Variants in RARA observed in about 807,000 individuals in gnomAD.
The protein encoded by RARA is retinoic acid receptor alpha.
Under a neutral mutation model 42.8 loss-of-function variants are expected in RARA, and 5 were observed. That is an observed-to-expected ratio of 0.12 (90% CI 0.06 to 0.25). RARA has a LOEUF of 0.25. Among genes scored for constraint, RARA ranks in the 10% least tolerant of loss-of-function variants. The probability of loss-of-function intolerance (pLI) is 1.00; values close to 1 mark genes in which losing one functional copy is unlikely to be tolerated. For synonymous variants in RARA, 256 were observed against 259.5 expected (o/e 0.99, Z 0.13); for missense variants, 402 against 628.7 (o/e 0.64, Z 3.86).
intron 1 of RARA, among the ~76,000 whole-genome samples, chr17:40,312,827 C>G (rs1017671029): frequency 6.6e-6 from 1 of 152,158 alleles, no homozygotes; most frequent in African/African-American, 2.4e-5. Context: ...AGAGAACACT[C>G]AATCAGTCAT....
At chr17:40,348,960 C>CAGGT (rs963210760) in intron 3 of RARA, 3 of 157,156 alleles carry the variant, frequency 1.9e-5, no homozygotes, top group Non-Finnish European at 4.3e-5. Context: ...TGCCAGGGTG[C>CAGGT]AGGTATACCT....
chr17:40,342,723 G>C, intron 2 of RARA: 2 of 1,612,030 alleles, frequency 1.2e-6, no homozygotes, highest in Non-Finnish European at 1.7e-6. Flanking sequence ...GAGTGTAGAA[G>C]TGGGGGGTCC....
Position 40,351,763 on chromosome 17 carries a change from C to CT in RARA, c.470-145dup. On this transcript the variant is annotated intron_variant, in intron 4 of 8. Coordinates refer to ENST00000254066, the MANE Select transcript of RARA (RefSeq NM_000964.4). The surrounding 1 kb of genome is among the most constrained non-coding windows in gnomAD (Gnocchi z 4.1). ...GGAGGGCTGGAGTGCGTGGCAATGC[C>CT]TTGCCTGCCCGTGAACGCGTGCTGT... 9.1e-7 allele frequency: 1 copy of CT among 1,095,256 alleles called. No homozygotes were observed. Among genetic ancestry groups the CT allele is most frequent in the South Asian group, 1.5e-5 (1 of 66,172 alleles). The allele number at this position is 1,095,256 out of a possible 1,614,324, so 67.8% of individuals were successfully genotyped here.
At chr17:40,336,455 G>A (rs1348458186) in intron 2 of RARA, among the ~76,000 whole-genome samples, 1 of 152,074 alleles carries the variant, frequency 6.6e-6, no homozygotes, top group Non-Finnish European at 1.5e-5. Context: ...GCAGTGGCAC[G>A]ATCTTGGCTC....
intron 2 of RARA, among the ~76,000 whole-genome samples, chr17:40,347,018 G>A (rs2034288396): frequency 6.6e-6 from 1 of 152,236 alleles, no homozygotes; most frequent in African/African-American, 2.4e-5. Context: ...GAGGGTGGTA[G>A]CACATAGTCA....
chr17:40,348,559 C>G, intron 3 of RARA, 95 bp downstream of exon 3: 7 of 1,419,240 alleles, frequency 4.9e-6, no homozygotes, highest in Non-Finnish European at 6.5e-6. Flanking sequence ...GGGGGTGTCC[C>G]TGAAGTTGCT....
intron 1 of RARA, among the ~76,000 whole-genome samples, chr17:40,324,779 A>G (rs917829162): frequency 6.6e-6 from 1 of 152,174 alleles, no homozygotes; most frequent in Non-Finnish European, 1.5e-5. Flanking sequence ...TCCTTCCCCT[A>G]ACTCCCAAGA....
At position 40,311,974 on chromosome 17, in the gene RARA, A is replaced by AT. The variant is rs1203047458; in HGVS notation, c.-363+2694dup. ...ACAGAAGCCTACATCTCCTGCTCTC[A>AT]TTTTTTAGTTTTTTTCCCCATGATA... On this transcript the variant is annotated intron_variant, in intron 1 of 8. Transcript: ENST00000254066. 2.0e-5 allele frequency among the ~76,000 whole-genome samples: 3 copies of AT among 152,044 alleles called. 1 individual carries two copies. The highest frequency in any genetic ancestry group is 4.4e-5 in the Non-Finnish European group (3 of 68,008).
At position 40,356,319 on chromosome 17, in the gene RARA, C is replaced by G. The variant is rs758015735; in HGVS notation, c.*93C>G. The G allele has an allele frequency of 2.4e-5, 33 of 1,351,060 alleles. No individual in the cohort carries two copies. Among genetic ancestry groups the G allele is most frequent in the South Asian group, 1.5e-4 (12 of 80,378 alleles). 83.7% of individuals were successfully genotyped at this position (1,351,060 alleles called of 1,614,324 possible). A position where few individuals can be genotyped will look rare whatever the true frequency, so the allele number is the denominator to read the frequency against. ...TGTGACCCCGCACCAGCCCTGCCCC[C>G]ACCTGCCCTCCCGGGCAGTACTGGG... On this transcript the variant is annotated 3_prime_UTR_variant, in exon 9 of 9. Coordinates refer to ENST00000254066, the MANE Select transcript of RARA (RefSeq NM_000964.4).
At chr17:40,329,665 G>C (rs1203896455) in intron 1 of RARA, among the ~76,000 whole-genome samples, 2 of 152,072 alleles carry the variant, frequency 1.3e-5, no homozygotes, top group South Asian at 2.1e-4. Flanking sequence ...ATGTTGGCCA[G>C]GCTGGTCTTG....
chr17:40,336,703 G>A (rs1329095154), intron 2 of RARA, among the ~76,000 whole-genome samples: 1 of 142,896 alleles, frequency 7.0e-6, no homozygotes, highest in African/African-American at 2.6e-5. Context: ...TTATTTTTTT[G>A]TTTTGTTTTT....
chr17:40,309,699 T>A (rs577354234), intron 1 of RARA, among the ~76,000 whole-genome samples: 36 of 152,266 alleles, frequency 2.4e-4, no homozygotes, highest in African/African-American at 6.3e-4. Context: ...AGGGATTTCT[T>A]TCTTGCTTCC....
chr17:40,352,240 G>A lies in RARA; in HGVS notation c.631-91G>A. 6.6e-7 allele frequency: 1 copy of A among 1,508,036 alleles called. No homozygotes were observed. Among genetic ancestry groups the A allele is most frequent in the Non-Finnish European group, 8.8e-7 (1 of 1,133,078 alleles). 93.4% of individuals were successfully genotyped at this position (1,508,036 alleles called of 1,614,324 possible). A position where few individuals can be genotyped will look rare whatever the true frequency, so the allele number is the denominator to read the frequency against. The stretch of plus-strand genomic sequence containing the variant: ...TCCCAAGGAGCTCCCAGGAAGTGAA[G>A]GCTGGGTAGAGGGCAGGCCTGTGGG... On this transcript the variant is annotated intron_variant, in intron 5 of 8. Transcript: ENST00000254066. The surrounding 1 kb of genome is among the most constrained non-coding windows in gnomAD (Gnocchi z 4.9).
chr17:40,352,519 C>T lies in RARA; in HGVS notation c.807+12C>T, dbSNP rs557576724. ...GCCTGGACATCCTGGTGAGGGTCTG[C>T]ACCCTGGCCCCCAGGCACTGCCCCT... On this transcript the variant is annotated intron_variant, in intron 6 of 8. Transcript: ENST00000254066. This position sits in a 1 kb window ranked among gnomAD's most constrained non-coding sequence, Gnocchi z 4.9. 2.0e-5 allele frequency: 31 copies of T among 1,579,392 alleles called. 1 individual carries two copies. In the South Asian group the frequency reaches 2.6e-4, roughly 13 times the overall value.
rs1265784173 is a variant in RARA at position 40,354,562 on chromosome 17, G to T, written c.1012+56G>T. The T allele has an allele frequency of 1.3e-6, 2 of 1,576,344 alleles. No homozygotes were observed. The highest frequency in any genetic ancestry group is 4.5e-5 in the East Asian group (2 of 44,444). On this transcript the variant is annotated intron_variant, in intron 7 of 8. Transcript: ENST00000254066. This position sits in a 1 kb window ranked among gnomAD's most constrained non-coding sequence, Gnocchi z 4.5. ...GCTGGGACGGGGGTGCAGCCCTGGAGTCTCTTCCAGGGAGCTCTTTCAGGC... is the reference window on the plus strand; with the variant it reads ...GCTGGGACGGGGGTGCAGCCCTGGATTCTCTTCCAGGGAGCTCTTTCAGGC...
chr17:40,351,666 G>T lies in RARA; in HGVS notation c.470-244G>T. On this transcript the variant is annotated intron_variant, in intron 4 of 8. Coordinates refer to ENST00000254066, the MANE Select transcript of RARA (RefSeq NM_000964.4). The surrounding 1 kb of genome is among the most constrained non-coding windows in gnomAD (Gnocchi z 4.1). Reference sequence around the variant, plus strand: ...CGGCTGGCTATGGGGTGGGGTGGGGGGTGTGTGCAGGGCCACAGCTGTGCT... The same window carrying T: ...CGGCTGGCTATGGGGTGGGGTGGGGTGTGTGTGCAGGGCCACAGCTGTGCT... 3 of 574,636 alleles carry T rather than the reference G, an allele frequency of 5.2e-6. No homozygotes were observed. The highest frequency in any genetic ancestry group is 9.4e-6 in the Non-Finnish European group (3 of 319,484). The allele number at this position is 574,636 out of a possible 1,614,324, so 35.6% of individuals were successfully genotyped here. A position where few individuals can be genotyped will look rare whatever the true frequency, so the allele number is the denominator to read the frequency against.
chr17:40,342,415 G>C, intron 2 of RARA: 1 of 1,167,348 alleles, frequency 8.6e-7, no homozygotes, highest in Middle Eastern at 3.5e-4. Flanking sequence ...GAGTCCCCTC[G>C]AGGTGAAGCC....
rs548572951 is a variant in RARA at position 40,310,074 on chromosome 17, G to C, written c.-363+788G>C. 4.1e-4 allele frequency among the ~76,000 whole-genome samples: 63 copies of C among 152,312 alleles called. No homozygotes were observed. The South Asian group carries it at 5.2e-3, about 13-fold the overall frequency. On this transcript the variant is annotated intron_variant, in intron 1 of 8. Coordinates refer to ENST00000254066, the MANE Select transcript of RARA (RefSeq NM_000964.4). Reference sequence around the variant, plus strand: ...GGCTCAGTCCAGATGGCTAGGGAAGGGGGTGTGGACCAGATTGAGGAGGTC... The same window carrying C: ...GGCTCAGTCCAGATGGCTAGGGAAGCGGGTGTGGACCAGATTGAGGAGGTC...
chr17:40,325,096 CAAAAATT>C (rs1357252213), intron 1 of RARA, among the ~76,000 whole-genome samples: 1 of 151,612 alleles, frequency 6.6e-6, no homozygotes, highest in African/African-American at 2.4e-5. Flanking sequence ...ACTAAAAATA[CAAAAATT>C]AGCTGGGCGT....
Sources: allele counts gnomAD v4.1 joint callset (sites outside exome capture counted in the v4.1 genomes callset), GRCh38; gene constraint gnomAD v4.1.1; non-coding constraint Gnocchi (gnomAD v3.1); transcripts MANE v1.5; gene names NCBI Gene and HGNC (gene_info 2026-07-23, HGNC 2026-07-21).